Variants in DOCK10 observed in about 807,000 individuals in gnomAD.
DOCK10 encodes the protein dedicator of cytokinesis 10.
In DOCK10, 145 loss-of-function variants were observed where a neutral mutation model predicts 280.1. The ratio of observed to expected loss-of-function variants is 0.52; its 90% CI spans 0.45 to 0.59. The LOEUF is 0.59. DOCK10 is among the 20% of genes least tolerant of loss of function. The pLI is 0.00. For synonymous variants in DOCK10, 915 were observed against 942.2 expected, an observed-to-expected ratio of 0.97 and a Z score of 0.53; for missense variants, 2,368 against 2,651.7, an observed-to-expected ratio of 0.89 and a Z score of 2.35.
intron 19 of DOCK10, 144 bp from the exon 20 acceptor site, chr2:224,845,786 C>T (rs1020050558): frequency 1.5e-5 from 11 of 734,012 alleles, no homozygotes; most frequent in South Asian, 1.2e-4. Context: ...TGCAATGGCA[C>T]GATCTAGGCT....
At chr2:224,850,205 T>G in intron 18 of DOCK10, among the ~76,000 whole-genome samples, 1 of 152,208 alleles carries the variant, frequency 6.6e-6, no homozygotes, top group East Asian at 1.9e-4. Context: ...CTCTCTTGAG[T>G]ACACCCACAC....
chr2:224,897,535 C>G (rs1303360479), intron 3 of DOCK10, among the ~76,000 whole-genome samples: 2 of 152,014 alleles, frequency 1.3e-5, no homozygotes, highest in Non-Finnish European at 2.9e-5. Flanking sequence ...TACCCATTAG[C>G]CATCCCCACC....
chr2:224,774,854 G>C, intron 52 of DOCK10, 51 bp downstream of exon 52: 2 of 1,499,296 alleles, frequency 1.3e-6, no homozygotes, highest in South Asian at 2.4e-5. Context: ...CCTATAAAGG[G>C]GCCTGTGCTG....
At chr2:224,799,589 G>T (rs1692829029) in intron 41 of DOCK10, among the ~76,000 whole-genome samples, 1 of 152,168 alleles carries the variant, frequency 6.6e-6, no homozygotes, top group Admixed American at 6.6e-5. Flanking sequence ...TTCAGAGACT[G>T]CCATACTGTT....
At chr2:224,916,998 C>T (rs1701366577) in intron 2 of DOCK10, among the ~76,000 whole-genome samples, 1 of 151,342 alleles carries the variant, frequency 6.6e-6, no homozygotes, top group Non-Finnish European at 1.5e-5. Flanking sequence ...ACAACAGTTA[C>T]TGTTTTATTA....
chr2:224,779,075 G>T (rs1273994189), intron 50 of DOCK10, among the ~76,000 whole-genome samples: 1 of 152,134 alleles, frequency 6.6e-6, no homozygotes, highest in East Asian at 1.9e-4. Flanking sequence ...GGGAAGGGAA[G>T]ATTCTATTAG....
intron 1 of DOCK10, among the ~76,000 whole-genome samples, chr2:225,015,498 T>C (rs959275585): frequency 1.3e-5 from 2 of 152,210 alleles, no homozygotes; most frequent in Non-Finnish European, 2.9e-5. Context: ...TTTTAGACTG[T>C]AGACTAATCT....
At chr2:224,892,593 T>C (rs1319174527) in intron 4 of DOCK10, among the ~76,000 whole-genome samples, 1 of 152,072 alleles carries the variant, frequency 6.6e-6, no homozygotes, top group Non-Finnish European at 1.5e-5. Context: ...GGTTGTGTGA[T>C]GACCTAGGAG....
At chr2:224,847,162 A>G (rs1448318184) in intron 19 of DOCK10, among the ~76,000 whole-genome samples, 1 of 152,218 alleles carries the variant, frequency 6.6e-6, no homozygotes, top group African/African-American at 2.4e-5. Context: ...CATACTCCCT[A>G]TTTCTGGAAA....
At chr2:224,912,239 G>T (rs1423929483) in intron 3 of DOCK10, among the ~76,000 whole-genome samples, 1 of 151,684 alleles carries the variant, frequency 6.6e-6, no homozygotes, top group East Asian at 1.9e-4. Context: ...AGGTTCAAGT[G>T]ATTCTCCTGC....
intron 1 of DOCK10, among the ~76,000 whole-genome samples, chr2:224,987,400 A>G (rs1706002898): frequency 6.6e-6 from 1 of 152,218 alleles, no homozygotes; most frequent in Non-Finnish European, 1.5e-5. Flanking sequence ...GAATGTGAGA[A>G]AGTAACTGGA....
intron 3 of DOCK10, among the ~76,000 whole-genome samples, chr2:224,910,028 G>C (rs1700921847): frequency 6.6e-6 from 1 of 152,178 alleles, no homozygotes; most frequent in African/African-American, 2.4e-5. Context: ...AGAGCAGTGA[G>C]AGAAAACTCA....
chr2:224,953,074 A>G (rs1703853757), intron 1 of DOCK10, among the ~76,000 whole-genome samples: 1 of 24,476 alleles, frequency 4.1e-5, no homozygotes, highest in Non-Finnish European at 1.1e-4. Context: ...TTAGAGTAAC[A>G]GAAACATAGT....
intron 1 of DOCK10, among the ~76,000 whole-genome samples, chr2:224,965,247 G>A (rs531318854): frequency 1.6e-4 from 25 of 152,274 alleles, no homozygotes; most frequent in East Asian, 7.7e-4. Flanking sequence ...AAAGTTCAAG[G>A]AGGTTTGGTG....
At chr2:224,957,038 T>C (rs1019938372) in intron 1 of DOCK10, among the ~76,000 whole-genome samples, 2 of 152,170 alleles carry the variant, frequency 1.3e-5, no homozygotes, top group Admixed American at 6.5e-5. Context: ...AACTCAGCAC[T>C]ATTGACATCT....
intron 53 of DOCK10, among the ~76,000 whole-genome samples, chr2:224,771,550 T>G (rs1341087653): frequency 2.0e-5 from 3 of 152,224 alleles, no homozygotes; most frequent in Non-Finnish European, 2.9e-5. Flanking sequence ...CTCATGCCCA[T>G]GGATGGCCTC....
At chr2:224,875,174 C>T (rs373947465) in intron 8 of DOCK10, among the ~76,000 whole-genome samples, 47 of 152,276 alleles carry the variant, frequency 3.1e-4, no homozygotes, top group South Asian at 6.2e-4. Flanking sequence ...TTAATACTAT[C>T]GTTGTTATTA....
chr2:224,927,516 G>T (rs1179387470), intron 2 of DOCK10, among the ~76,000 whole-genome samples: 1 of 152,188 alleles, frequency 6.6e-6, no homozygotes, highest in Non-Finnish European at 1.5e-5. Context: ...TGTGGCTTGG[G>T]ACAGCAGAGT....
At chr2:224,886,597 C>A in intron 4 of DOCK10, 66 bp from the exon 5 acceptor site, 1 of 1,313,386 alleles carries the variant, frequency 7.6e-7, no homozygotes, top group Non-Finnish European at 1.1e-6. Context: ...TAAGTTGCTC[C>A]CCAGGTAACA....
Sources: allele counts gnomAD v4.1 joint callset (sites outside exome capture counted in the v4.1 genomes callset), GRCh38; gene constraint gnomAD v4.1.1; transcripts MANE v1.5; gene names NCBI Gene and HGNC (gene_info 2026-07-23, HGNC 2026-07-21).